Variants in SYN3 observed in about 807,000 individuals in gnomAD.
SYN3 encodes the protein synapsin III.
In SYN3, 35 loss-of-function variants were observed where a neutral mutation model predicts 65.8. That is an observed-to-expected ratio of 0.53 (90% confidence interval 0.41 to 0.70). The LOEUF (loss-of-function observed/expected upper bound fraction) is 0.70. Among genes scored for constraint, SYN3 ranks in the 30% least tolerant of loss-of-function variants. SYN3 has a pLI of 0.00. For missense variants in SYN3, 680 were observed against 749.0 expected, an observed-to-expected ratio of 0.91 and a Z score of 1.08; for synonymous variants, 270 against 292.9, an observed-to-expected ratio of 0.92 and a Z score of 0.80.
At chr22:32,822,155 C>CAAAAA (rs35312009) in intron 6 of SYN3, among the ~76,000 whole-genome samples, 5 of 108,318 alleles carry the variant, frequency 4.6e-5, no homozygotes, top group Admixed American at 9.5e-5. Flanking sequence ...AACTCCATCT[C>CAAAAA]AAAAAAAAAA....
At chr22:32,514,146 A>T (rs1384661591) in intron 13 of SYN3, among the ~76,000 whole-genome samples, 1 of 152,228 alleles carries the variant, frequency 6.6e-6, no homozygotes, top group African/African-American at 2.4e-5. Context: ...GGCAGCAGGC[A>T]TTGCTGGAGA....
chr22:32,733,692 A>G (rs1278241403), intron 6 of SYN3, among the ~76,000 whole-genome samples: 7 of 152,190 alleles, frequency 4.6e-5, no homozygotes, highest in Non-Finnish European at 7.3e-5. Context: ...ATGCTGAACC[A>G]AGGCCCAAGA....
intron 2 of SYN3, among the ~76,000 whole-genome samples, chr22:32,984,292 G>A (rs1291453106): frequency 1.3e-5 from 2 of 151,928 alleles, no homozygotes; most frequent in African/African-American, 2.4e-5. Context: ...AAACTTCTCA[G>A]AATTCTTTGC....
intron 7 of SYN3, among the ~76,000 whole-genome samples, chr22:32,579,826 C>A (rs182892745): frequency 6.6e-6 from 1 of 152,176 alleles, no homozygotes; most frequent in East Asian, 1.9e-4. Context: ...GTGCTGGTTC[C>A]TTTTCTTAGC....
intron 6 of SYN3, among the ~76,000 whole-genome samples, chr22:32,827,725 G>A (rs2047454636): frequency 6.6e-6 from 1 of 152,200 alleles, no homozygotes; most frequent in African/African-American, 2.4e-5. Context: ...TCCTCAAGAA[G>A]CTCTAGAAGT....
intron 6 of SYN3, among the ~76,000 whole-genome samples, chr22:32,619,961 C>T (rs2059572177): frequency 6.6e-6 from 1 of 152,246 alleles, no homozygotes; most frequent in Non-Finnish European, 1.5e-5. Flanking sequence ...CCTCCAAACA[C>T]AGGAGAGAAC....
At chr22:33,037,185 T>C (rs1426445282) in intron 1 of SYN3, among the ~76,000 whole-genome samples, 1 of 152,200 alleles carries the variant, frequency 6.6e-6, no homozygotes. Context: ...AGTGGGTTTT[T>C]TCCTCCCATG....
At position 32,518,188 on chromosome 22, in the gene SYN3, G is replaced by C. The variant is rs151051257; in HGVS notation, c.1465C>G (p.Arg489Gly). ...TTTGGGGAGCTGCCACTGGATGCCC[G>C]GGATAGCTGCGGAGAGCCTGGTGAC... The part of the protein sequence containing the change: ...QRSPGSPQLS[R>G]ASSGSSPNQA... Residue 489 changes from arginine (R) to glycine (G), a missense_variant, in exon 13 of 14, where the codon CGG becomes GGG. Physicochemically the swap from Arg to Gly is moderately radical, Grantham distance 125. Coordinates refer to ENST00000358763, the MANE Select transcript of SYN3 (RefSeq NM_003490.4). The C allele has an allele frequency of 1.4e-5, 22 of 1,613,756 alleles. No individual in the cohort carries two copies. The East Asian group carries it at 4.5e-4, about 33-fold the overall frequency.
At chr22:32,976,906 G>A (rs1468488535) in intron 3 of SYN3, among the ~76,000 whole-genome samples, 1 of 152,026 alleles carries the variant, frequency 6.6e-6, no homozygotes, top group Admixed American at 6.5e-5. Context: ...TGGGAGACAG[G>A]ATCCCAAAAT....
At chr22:32,920,077 T>G (rs970823819) in intron 4 of SYN3, among the ~76,000 whole-genome samples, 1 of 152,216 alleles carries the variant, frequency 6.6e-6, no homozygotes, top group Non-Finnish European at 1.5e-5. Context: ...CTTGCATTAC[T>G]GATGCTTCCT....
intron 4 of SYN3, among the ~76,000 whole-genome samples, chr22:32,908,188 T>C (rs1393246568): frequency 6.6e-6 from 1 of 151,328 alleles, no homozygotes; most frequent in Non-Finnish European, 1.5e-5. Flanking sequence ...CAGGTTCAAG[T>C]GATTGTCCTG....
intron 2 of SYN3, among the ~76,000 whole-genome samples, chr22:33,005,818 G>A (rs955586015): frequency 6.6e-6 from 1 of 152,216 alleles, no homozygotes; most frequent in African/African-American, 2.4e-5. Context: ...TTTATGGAAG[G>A]AGGGTGGCTG....
chr22:32,831,408 G>A (rs1173239054), intron 6 of SYN3, among the ~76,000 whole-genome samples: 1 of 152,110 alleles, frequency 6.6e-6, no homozygotes, highest in Non-Finnish European at 1.5e-5. Flanking sequence ...ACTTGTCTGT[G>A]AGAGCTGTTT....
Position 32,801,899 on chromosome 22 carries a change from C to A in SYN3, c.711+63016G>T, listed in dbSNP as rs566101769. ...CGGAGGCCAAGGTTGCCCCGCACGG[C>A]CCGGCGGGCGAGCGAGCTCGGGCTG... On this transcript the variant is annotated intron_variant, in intron 6 of 13. Coordinates refer to ENST00000358763, the MANE Select transcript of SYN3 (RefSeq NM_003490.4). This position sits in a 1 kb window ranked among gnomAD's most constrained non-coding sequence, Gnocchi z 4.7. The A allele has an allele frequency of 7.7e-5, 106 of 1,382,572 alleles. 2 individuals are homozygous for A. The South Asian group carries it at 1.6e-3, about 20-fold the overall frequency. 85.6% of individuals were successfully genotyped at this position (1,382,572 alleles called of 1,614,324 possible).
intron 2 of SYN3, among the ~76,000 whole-genome samples, chr22:32,990,070 T>C (rs1425635582): frequency 1.3e-5 from 2 of 152,086 alleles, no homozygotes; most frequent in African/African-American, 2.4e-5. Context: ...TACTAAAAAG[T>C]AATTCATGCC....
intron 4 of SYN3, among the ~76,000 whole-genome samples, chr22:32,906,159 G>A (rs1180499722): frequency 6.6e-6 from 1 of 152,144 alleles, no homozygotes; most frequent in East Asian, 1.9e-4. Flanking sequence ...GAAGGCGCAC[G>A]ACCTGGAAGA....
chr22:32,705,090 G>C (rs1385454575), intron 6 of SYN3, among the ~76,000 whole-genome samples: 1 of 152,140 alleles, frequency 6.6e-6, no homozygotes, highest in Non-Finnish European at 1.5e-5. Context: ...TGCTTTTGTT[G>C]CAACTGCTTT....
At chr22:32,993,418 C>T (rs1350586716) in intron 2 of SYN3, among the ~76,000 whole-genome samples, 2 of 152,170 alleles carry the variant, frequency 1.3e-5, no homozygotes, top group Non-Finnish European at 2.9e-5. Flanking sequence ...TGCAGTGGCG[C>T]GATCTCGGCT....
chr22:32,595,235 T>C (rs559896353), intron 7 of SYN3, among the ~76,000 whole-genome samples: 1 of 152,294 alleles, frequency 6.6e-6, no homozygotes, highest in South Asian at 2.1e-4. Context: ...AAAGAGGGTC[T>C]TTATCCTTTG....
Sources: allele counts gnomAD v4.1 joint callset (sites outside exome capture counted in the v4.1 genomes callset), GRCh38; gene constraint gnomAD v4.1.1; non-coding constraint Gnocchi (gnomAD v3.1); transcripts MANE v1.5; gene names NCBI Gene and HGNC (gene_info 2026-07-23, HGNC 2026-07-21).